The following CRIM1 variants were observed in gnomAD, a reference collection of about 807,000 sequenced individuals.
CRIM1 encodes the protein cysteine-rich motor neuron 1 protein.
CRIM1 carries 32 observed loss-of-function variants against 116.4 expected under a neutral mutation model. The ratio of observed to expected loss-of-function variants is 0.27; its 90% CI spans 0.21 to 0.37. CRIM1 has a LOEUF of 0.37. CRIM1 is among the 10% of genes least tolerant of loss of function. CRIM1 has a pLI of 1.00. For synonymous variants in CRIM1, 590 were observed against 509.2 expected (o/e 1.16, Z -2.13); for missense variants, 1,331 against 1,354.8 (o/e 0.98, Z 0.28).
At chr2:36,465,786 A>T (rs937972601) in intron 5 of CRIM1, among the ~76,000 whole-genome samples, 2 of 152,210 alleles carry the variant, frequency 1.3e-5, no homozygotes, top group African/African-American at 4.8e-5. Flanking sequence ...CCTGGGCCTC[A>T]GTTTCTACAT....
chr2:36,526,385 CTCTG>C (rs1665759586), intron 13 of CRIM1, among the ~76,000 whole-genome samples: 1 of 152,158 alleles, frequency 6.6e-6, no homozygotes, highest in African/African-American at 2.4e-5. Context: ...CAGCAAATGC[CTCTG>C]TTATGACCTA....
chr2:36,506,814 C>G (rs542223476), intron 8 of CRIM1, among the ~76,000 whole-genome samples: 1 of 152,176 alleles, frequency 6.6e-6, no homozygotes, highest in African/African-American at 2.4e-5. Flanking sequence ...AAACCCCTAC[C>G]CTTCTATGAA....
intron 2 of CRIM1, 46 bp downstream of exon 2, chr2:36,396,833 T>C (rs949203084): frequency 9.4e-6 from 14 of 1,482,170 alleles, no homozygotes; most frequent in Non-Finnish European, 1.2e-5. Flanking sequence ...GCCTTAGCAT[T>C]ATGTAACCCT....
At position 36,515,474 on chromosome 2, in the gene CRIM1, T is replaced by G. The variant is rs529560421; in HGVS notation, c.1990+1709T>G. Among the ~76,000 whole-genome samples the G allele has an allele frequency of 5.9e-5, 9 of 152,358 alleles. 1 individual carries two copies. Among genetic ancestry groups the G allele is most frequent in the African/African-American group, 1.9e-4 (8 of 41,570 alleles). ...TCTTTAGCATGTTGCCACATAAGCC[T>G]CCTTCTGATTAGAGACTCCAGAGCT... is the stretch of plus-strand genomic sequence containing the variant. On this transcript the variant is annotated intron_variant, in intron 11 of 16. Coordinates refer to ENST00000280527, the MANE Select transcript of CRIM1 (RefSeq NM_016441.3).
intron 7 of CRIM1, among the ~76,000 whole-genome samples, chr2:36,485,639 A>G (rs1679757727): frequency 6.6e-6 from 1 of 152,150 alleles, no homozygotes; most frequent in African/African-American, 2.4e-5. Flanking sequence ...CAGTATCTCA[A>G]ATGATTAAGC....
intron 2 of CRIM1, among the ~76,000 whole-genome samples, chr2:36,403,168 C>T (rs770191731): frequency 3.9e-5 from 6 of 152,166 alleles, no homozygotes; most frequent in Non-Finnish European, 5.9e-5. Context: ...ATTGCTGCAT[C>T]ACACATCACA....
intron 12 of CRIM1, among the ~76,000 whole-genome samples, chr2:36,521,726 G>C (rs1055965698): frequency 6.6e-6 from 1 of 152,186 alleles, no homozygotes; most frequent in Non-Finnish European, 1.5e-5. Flanking sequence ...ACGGCTAGAT[G>C]ATGGGGCCAC....
At chr2:36,362,692 A>G (rs1669305362) in intron 1 of CRIM1, among the ~76,000 whole-genome samples, 1 of 152,196 alleles carries the variant, frequency 6.6e-6, no homozygotes, top group Non-Finnish European at 1.5e-5. Context: ...GGAATGGTTG[A>G]ATATACCTCT....
rs528989992 is a variant in CRIM1 at position 36,384,189 on chromosome 2, T to C, written c.332-12425T>C. On this transcript the variant is annotated intron_variant, in intron 1 of 16. Transcript: ENST00000280527. The stretch of plus-strand genomic sequence containing the variant: ...CCTGAAGGTGTGCTGGAGTGAACCA[T>C]GCACACACCTGGAGTAGGATGTTCC... Among the ~76,000 whole-genome samples, 3 of 152,316 alleles carry C rather than the reference T, an allele frequency of 2.0e-5. No individual in the cohort carries two copies. The South Asian group carries it at 6.2e-4, about 32-fold the overall frequency.
intron 9 of CRIM1, 149 bp from the exon 10 acceptor site, chr2:36,512,124 A>G: frequency 1.1e-6 from 1 of 878,344 alleles, no homozygotes; most frequent in Non-Finnish European, 1.8e-6. Flanking sequence ...CAGGGAGCTA[A>G]TTACCCATCA....
At chr2:36,465,174 G>C (rs1677907207) in intron 5 of CRIM1, among the ~76,000 whole-genome samples, 1 of 152,236 alleles carries the variant, frequency 6.6e-6, no homozygotes, top group East Asian at 1.9e-4. Flanking sequence ...GTTGGTCACT[G>C]ATAGCGGCCT....
At chr2:36,428,656 A>T (rs1674641360) in intron 2 of CRIM1, among the ~76,000 whole-genome samples, 1 of 152,242 alleles carries the variant, frequency 6.6e-6, no homozygotes, top group Admixed American at 6.5e-5. Flanking sequence ...GTTAATGAGT[A>T]AGAATCTTCT....
At chr2:36,491,270 C>T (rs1361953485) in intron 7 of CRIM1, among the ~76,000 whole-genome samples, 1 of 152,116 alleles carries the variant, frequency 6.6e-6, no homozygotes, top group Non-Finnish European at 1.5e-5. Context: ...CGTATTTTAA[C>T]CCATCTCAGG....
At chr2:36,481,105 T>C (rs1679384169) in intron 7 of CRIM1, among the ~76,000 whole-genome samples, 1 of 152,214 alleles carries the variant, frequency 6.6e-6, no homozygotes, top group Non-Finnish European at 1.5e-5. Context: ...ACATTAGCCT[T>C]TTAACCTCAT....
At chr2:36,415,449 C>T (rs1053471373) in intron 2 of CRIM1, among the ~76,000 whole-genome samples, 1 of 152,132 alleles carries the variant, frequency 6.6e-6, no homozygotes, top group South Asian at 2.1e-4. Context: ...TTTATCTAAT[C>T]CTCTGTCTCT....
At chr2:36,358,698 T>C (rs542194993) in intron 1 of CRIM1, among the ~76,000 whole-genome samples, 39 of 152,180 alleles carry the variant, frequency 2.6e-4, no homozygotes, top group Non-Finnish European at 4.9e-4. Context: ...TCAATTAGTT[T>C]CTCTAGAAAC....
rs1667576954 is a variant in CRIM1, at chr2:36,549,257, G to T, written c.*556G>T. ...CTTTGACAGCCATCCCAGGTCTAAA[G>T]CCACAAGTTTCTTTTCTATACAGTC... is the stretch of plus-strand genomic sequence containing the variant. On this transcript the variant is annotated 3_prime_UTR_variant, in exon 17 of 17. Transcript: ENST00000280527. The T allele has an allele frequency of 6.5e-6, 1 of 152,700 alleles. No individual in the cohort carries two copies. Among genetic ancestry groups the T allele is most frequent in the Non-Finnish European group, 1.5e-5 (1 of 68,084 alleles). The allele number at this position is 152,700 out of a possible 1,614,324, so 9.5% of individuals were successfully genotyped here. A position where few individuals can be genotyped will look rare whatever the true frequency, so the allele number is the denominator to read the frequency against.
intron 2 of CRIM1, among the ~76,000 whole-genome samples, chr2:36,406,711 G>T (rs1279694030): frequency 6.8e-6 from 1 of 147,452 alleles, no homozygotes; most frequent in African/African-American, 2.5e-5. Context: ...TATTGCAAGG[G>T]CCATGCCCTC....
At chr2:36,509,037 T>C (rs1374460415) in intron 8 of CRIM1, among the ~76,000 whole-genome samples, 4 of 152,158 alleles carry the variant, frequency 2.6e-5, no homozygotes, top group African/African-American at 9.7e-5. Context: ...AATACAGGGG[T>C]ATTTGTCAGC....
Sources: allele counts gnomAD v4.1 joint callset (sites outside exome capture counted in the v4.1 genomes callset), GRCh38; gene constraint gnomAD v4.1.1; transcripts MANE v1.5; gene names NCBI Gene and HGNC (gene_info 2026-07-23, HGNC 2026-07-21).